Variants in ZEB1 observed in about 807,000 individuals in gnomAD.
The protein encoded by ZEB1 is zinc finger E-box binding homeobox 1, also known as zinc finger E-box-binding homeobox 1.
In ZEB1, 21 loss-of-function variants were observed where a neutral mutation model predicts 84.9. The ratio of observed to expected loss-of-function variants is 0.25; its 90% CI spans 0.18 to 0.36. The LOEUF is 0.36. Among genes scored for constraint, ZEB1 ranks in the 10% least tolerant of loss-of-function variants. The pLI is 1.00. For synonymous variants in ZEB1, 420 were observed against 471.1 expected, an observed-to-expected ratio of 0.89 and a Z score of 1.41; for missense variants, 1,104 against 1,330.2, an observed-to-expected ratio of 0.83 and a Z score of 2.65.
chr10:31,486,347 T>TA (rs1284010996), intron 2 of ZEB1, among the ~76,000 whole-genome samples: 1 of 151,714 alleles, frequency 6.6e-6, no homozygotes. Flanking sequence ...CAGTAATAAA[T>TA]AAGAGATGAT....
chr10:31,394,408 A>T (rs1046720549), intron 1 of ZEB1, among the ~76,000 whole-genome samples: 2 of 152,146 alleles, frequency 1.3e-5, no homozygotes, highest in African/African-American at 4.8e-5. Context: ...ATTAATGCCT[A>T]ATACATATAG....
At chr10:31,468,381 CA>C (rs1359377881) in intron 2 of ZEB1, among the ~76,000 whole-genome samples, 10 of 152,128 alleles carry the variant, frequency 6.6e-5, no homozygotes, top group Non-Finnish European at 1.5e-4. Context: ...GCCAGGAGGT[CA>C]AAACTGCATG....
intron 1 of ZEB1, among the ~76,000 whole-genome samples, chr10:31,338,878 A>G (rs2038788821): frequency 6.6e-6 from 1 of 152,166 alleles, no homozygotes; most frequent in South Asian, 2.1e-4. Context: ...TGATATTTAT[A>G]CATCATAAAT....
At chr10:31,330,654 T>TA (rs2036542161) in intron 1 of ZEB1, among the ~76,000 whole-genome samples, 1 of 152,224 alleles carries the variant, frequency 6.6e-6, no homozygotes, top group South Asian at 2.1e-4. Context: ...TGCTTGATCT[T>TA]ACTGATTTTT....
intron 1 of ZEB1, among the ~76,000 whole-genome samples, chr10:31,440,840 A>C (rs1440867846): frequency 6.6e-6 from 1 of 152,196 alleles, no homozygotes; most frequent in Non-Finnish European, 1.5e-5. Flanking sequence ...CTAGAAATCC[A>C]ACTTACAAGG....
rs371960738 is a variant in ZEB1, at chr10:31,372,445, G to A, written c.58+53153G>A. The stretch of plus-strand genomic sequence containing the variant: ...ATGACAGGCCCTATGAAGAGTAGCC[G>A]TAAGAATCAAGAGAAAAAGAACCTA... On this transcript the variant is annotated intron_variant, in intron 1 of 8. Transcript: ENST00000424869. Among the ~76,000 whole-genome samples the A allele has an allele frequency of 2.2e-4, 33 of 152,102 alleles. No homozygotes were observed. In the South Asian group the frequency reaches 2.9e-3, roughly 13 times the overall value.
chr10:31,380,303 C>T (rs1285950026), intron 1 of ZEB1, among the ~76,000 whole-genome samples: 1 of 152,112 alleles, frequency 6.6e-6, no homozygotes, highest in Non-Finnish European at 1.5e-5. Context: ...TCTGAATTTC[C>T]TGCGAACTAA....
chr10:31,403,867 G>A (rs1196251593), intron 1 of ZEB1, among the ~76,000 whole-genome samples: 1 of 151,834 alleles, frequency 6.6e-6, no homozygotes, highest in Non-Finnish European at 1.5e-5. Flanking sequence ...CTAATTATAT[G>A]GTAAAACTGT....
At chr10:31,444,574 T>C (rs1185246161) in intron 1 of ZEB1, among the ~76,000 whole-genome samples, 11 of 151,628 alleles carry the variant, frequency 7.3e-5, no homozygotes, top group African/African-American at 2.2e-4. Context: ...TTAATCCATC[T>C]TGAATTGATT....
At chr10:31,500,544 A>T (rs2067974503) in intron 3 of ZEB1, among the ~76,000 whole-genome samples, 1 of 152,180 alleles carries the variant, frequency 6.6e-6, no homozygotes. Flanking sequence ...ACCTATAGTG[A>T]TTCTCTGTTG....
At chr10:31,469,388 TG>T (rs1297704542) in intron 2 of ZEB1, among the ~76,000 whole-genome samples, 3 of 152,144 alleles carry the variant, frequency 2.0e-5, no homozygotes, top group Non-Finnish European at 4.4e-5. Context: ...GGTGAGGCAT[TG>T]CCTCACTCGG....
At chr10:31,430,941 T>TTATTCA (rs1173680145) in intron 1 of ZEB1, among the ~76,000 whole-genome samples, 2 of 152,240 alleles carry the variant, frequency 1.3e-5, no homozygotes, top group East Asian at 3.8e-4. Context: ...TGATTCAACT[T>TTATTCA]ACAGTATACA....
intron 1 of ZEB1, among the ~76,000 whole-genome samples, chr10:31,378,047 TAGAC>T (rs1414752081): frequency 1.7e-4 from 26 of 150,270 alleles, no homozygotes; most frequent in African/African-American, 6.1e-4. Context: ...ATATTATGCA[TAGAC>T]AGATAATATA....
At chr10:31,354,186 A>AT (rs2041758452) in intron 1 of ZEB1, among the ~76,000 whole-genome samples, 1 of 152,186 alleles carries the variant, frequency 6.6e-6, no homozygotes, top group Admixed American at 6.5e-5. Flanking sequence ...CTTCTGAAAC[A>AT]ATGATATTGG....
chr10:31,498,420 A>G (rs1232610300), intron 3 of ZEB1, among the ~76,000 whole-genome samples: 1 of 152,044 alleles, frequency 6.6e-6, no homozygotes, highest in African/African-American at 2.4e-5. Flanking sequence ...TTGAGGAAAA[A>G]TTTTAATTGT....
At chr10:31,461,473 G>A (rs1352632239) in intron 2 of ZEB1, among the ~76,000 whole-genome samples, 1 of 151,896 alleles carries the variant, frequency 6.6e-6, no homozygotes, top group African/African-American at 2.4e-5. Context: ...TATTAACCAG[G>A]ATCAAGCTTT....
At chr10:31,345,511 C>T (rs574489076) in intron 1 of ZEB1, among the ~76,000 whole-genome samples, 3 of 152,150 alleles carry the variant, frequency 2.0e-5, no homozygotes, top group Admixed American at 6.5e-5. Context: ...TCCCAGAAGC[C>T]TTGATGTTCC....
intron 1 of ZEB1, among the ~76,000 whole-genome samples, chr10:31,408,100 A>G (rs1440506303): frequency 6.6e-6 from 1 of 152,068 alleles, no homozygotes; most frequent in African/African-American, 2.4e-5. Flanking sequence ...TATGCCAACA[A>G]CAGACAAACA....
At chr10:31,401,722 C>G (rs1342751663) in intron 1 of ZEB1, among the ~76,000 whole-genome samples, 1 of 152,130 alleles carries the variant, frequency 6.6e-6, no homozygotes, top group African/African-American at 2.4e-5. Context: ...GTTATCCCAT[C>G]AATTTTACTG....
Sources: gnomAD v4.1 joint callset for allele counts (sites outside exome capture counted in the v4.1 genomes callset) on GRCh38, gnomAD v4.1.1 for gene constraint, MANE v1.5 for transcripts, NCBI Gene and HGNC (gene_info 2026-07-23, HGNC 2026-07-21) for gene names.